ADAMTSL1: variants seen among roughly 807,000 people sequenced by gnomAD.
ADAMTSL1 encodes the protein ADAMTS-like protein 1.
Under a neutral mutation model 201.8 loss-of-function variants are expected in ADAMTSL1, and 126 were observed. The observed-to-expected ratio is 0.62, with a 90% CI of 0.54 to 0.72. The LOEUF (loss-of-function observed/expected upper bound fraction) is 0.72. Ranked by LOEUF, ADAMTSL1 falls within the 30% of genes least tolerant of loss-of-function variation. ADAMTSL1 has a pLI of 0.00. For missense variants in ADAMTSL1, 2,679 were observed against 2,277.8 expected (o/e 1.18, Z -3.59); for synonymous variants, 1,121 against 903.4 (o/e 1.24, Z -4.32).
chr9:18,209,801 T>C (rs761108834), intron 2 of ADAMTSL1, among the ~76,000 whole-genome samples: 1 of 152,168 alleles, frequency 6.6e-6, no homozygotes, highest in Non-Finnish European at 1.5e-5. Flanking sequence ...TAATTCATTT[T>C]GTTAATTGGT....
intron 2 of ADAMTSL1, among the ~76,000 whole-genome samples, chr9:18,439,465 C>T (rs1227693390): frequency 2.6e-5 from 4 of 152,182 alleles, no homozygotes; most frequent in Non-Finnish European, 4.4e-5. Flanking sequence ...CTCCCTGGTT[C>T]AAGCAATTCT....
chr9:18,313,705 G>A (rs1456931865), intron 2 of ADAMTSL1, among the ~76,000 whole-genome samples: 1 of 152,110 alleles, frequency 6.6e-6, no homozygotes, highest in East Asian at 1.9e-4. Context: ...AAAACTCCTA[G>A]GACATGAGCA....
intron 2 of ADAMTSL1, among the ~76,000 whole-genome samples, chr9:18,337,069 T>A (rs1835270764): frequency 6.6e-6 from 1 of 152,152 alleles, no homozygotes; most frequent in Non-Finnish European, 1.5e-5. Flanking sequence ...GTGAGGGTGT[T>A]GCCCAAGGAG....
chr9:18,425,029 C>A (rs181714168), intron 2 of ADAMTSL1, among the ~76,000 whole-genome samples: 3 of 152,108 alleles, frequency 2.0e-5, no homozygotes, highest in Non-Finnish European at 4.4e-5. Context: ...TAAAGGAAGT[C>A]GTACAATGTT....
chr9:18,908,364 TCA>T, intron 28 of ADAMTSL1, 76 bp from the exon 29 acceptor site: 1 of 1,270,534 alleles, frequency 7.9e-7, no homozygotes, highest in Non-Finnish European at 1.1e-6. Context: ...CGGCTGCACC[TCA>T]CACAGGCTGC....
At chr9:18,221,751 G>C (rs13301059) in intron 2 of ADAMTSL1, among the ~76,000 whole-genome samples, 33,324 of 151,912 alleles carry the variant, frequency 0.22, 3,949 homozygotes, top group Non-Finnish European at 0.27. Flanking sequence ...TCAACTGTGT[G>C]TGTTATCCAG....
chr9:18,290,938 C>T (rs1462665897), intron 2 of ADAMTSL1, among the ~76,000 whole-genome samples: 3 of 151,992 alleles, frequency 2.0e-5, no homozygotes, highest in East Asian at 1.9e-4. Flanking sequence ...CCTGCCACGG[C>T]GCCTGGCTAA....
intron 19 of ADAMTSL1, among the ~76,000 whole-genome samples, chr9:18,791,919 C>T (rs1043478673): frequency 1.3e-5 from 2 of 152,140 alleles, no homozygotes; most frequent in Non-Finnish European, 2.9e-5. Flanking sequence ...GAATTCTTTT[C>T]CAGGCTTCAG....
chr9:18,521,024 T>G (rs1259238387), intron 2 of ADAMTSL1, among the ~76,000 whole-genome samples: 2 of 152,156 alleles, frequency 1.3e-5, no homozygotes, highest in Non-Finnish European at 2.9e-5. Flanking sequence ...GGTGGTTATA[T>G]GTACAGGGGA....
At chr9:18,361,931 G>A (rs902184169) in intron 2 of ADAMTSL1, among the ~76,000 whole-genome samples, 2 of 152,152 alleles carry the variant, frequency 1.3e-5, no homozygotes, top group African/African-American at 4.8e-5. Flanking sequence ...CTCTGTTTGG[G>A]ACAGAAGGGG....
intron 1 of ADAMTSL1, among the ~76,000 whole-genome samples, chr9:17,924,729 T>G (rs1175217857): frequency 6.9e-6 from 1 of 145,392 alleles, no homozygotes; most frequent in East Asian, 2.0e-4. Flanking sequence ...ATTTAAACGT[T>G]AGACCTAAAA....
intron 1 of ADAMTSL1, among the ~76,000 whole-genome samples, chr9:17,931,457 A>C (rs1312736444): frequency 6.6e-6 from 1 of 152,288 alleles, no homozygotes; most frequent in Non-Finnish European, 1.5e-5. Flanking sequence ...CATTTGGAAA[A>C]GTTGGGAGGA....
intron 1 of ADAMTSL1, among the ~76,000 whole-genome samples, chr9:17,972,414 T>A (rs1281006724): frequency 6.7e-6 from 1 of 149,932 alleles, no homozygotes; most frequent in Non-Finnish European, 1.5e-5. Flanking sequence ...ACATACGGTG[T>A]TTCGTTTTTT....
At chr9:18,523,768 T>A (rs1214417968) in intron 2 of ADAMTSL1, among the ~76,000 whole-genome samples, 4 of 141,124 alleles carry the variant, frequency 2.8e-5, no homozygotes, top group Non-Finnish European at 6.1e-5. Context: ...GCGGCGTTAT[T>A]TCTGAGGGCT....
intron 7 of ADAMTSL1, among the ~76,000 whole-genome samples, chr9:18,657,049 C>G (rs1828731143): frequency 6.6e-6 from 1 of 152,058 alleles, no homozygotes; most frequent in Admixed American, 6.6e-5. Context: ...CAGTTTGATT[C>G]TTAAACCATC....
chr9:18,865,266 C>T (rs1414414299), intron 23 of ADAMTSL1, among the ~76,000 whole-genome samples: 1 of 152,096 alleles, frequency 6.6e-6, no homozygotes, highest in Non-Finnish European at 1.5e-5. Flanking sequence ...GTTCAATTCC[C>T]ACCTATGAGT....
intron 19 of ADAMTSL1, among the ~76,000 whole-genome samples, chr9:18,780,348 C>T (rs1339590961): frequency 2.0e-5 from 3 of 152,182 alleles, no homozygotes; most frequent in Non-Finnish European, 4.4e-5. Flanking sequence ...GGTTAAAACT[C>T]ATATGCTGAT....
At chr9:18,251,949 C>T (rs1241657310) in intron 2 of ADAMTSL1, among the ~76,000 whole-genome samples, 8 of 151,646 alleles carry the variant, frequency 5.3e-5, no homozygotes, top group Admixed American at 5.3e-4. Context: ...AGCTAAACAC[C>T]AATCCATATT....
At chr9:18,809,670 T>C (rs180987420) in intron 20 of ADAMTSL1, among the ~76,000 whole-genome samples, 1 of 152,168 alleles carries the variant, frequency 6.6e-6, no homozygotes, top group East Asian at 1.9e-4. Context: ...ATGCCTGTAA[T>C]CTCAGCTACT....
Sources: gnomAD v4.1 joint callset for allele counts (sites outside exome capture counted in the v4.1 genomes callset) on GRCh38, gnomAD v4.1.1 for gene constraint, MANE v1.5 for transcripts, NCBI Gene and HGNC (gene_info 2026-07-23, HGNC 2026-07-21) for gene names.